The following MPZL3 variants were observed in gnomAD, a reference collection of about 807,000 sequenced individuals.
The protein encoded by MPZL3 is myelin protein zero like 3.
In MPZL3, 23 loss-of-function variants were observed where a neutral mutation model predicts 24.8. The observed-to-expected ratio is 0.93, with a 90% confidence interval of 0.67 to 1.31. MPZL3 has a LOEUF of 1.31. Ranked by LOEUF, MPZL3 falls within the 40% of genes most tolerant of loss-of-function variation. The probability of loss-of-function intolerance (pLI) is 0.00; values close to 1 mark genes in which losing one functional copy is unlikely to be tolerated. For missense variants in MPZL3, 277 were observed against 294.9 expected (o/e 0.94, Z 0.44); for synonymous variants, 99 against 106.5 (o/e 0.93, Z 0.44).
intron 3 of MPZL3, 38 bp downstream of exon 3, chr11:118,237,012 A>G: frequency 6.4e-7 from 1 of 1,564,348 alleles, no homozygotes; most frequent in Non-Finnish European, 8.8e-7. Context: ...CAGCAGTCAC[A>G]GAGCACTGCA....
intron 3 of MPZL3, among the ~76,000 whole-genome samples, chr11:118,236,740 A>AT (rs1949430723): frequency 1.3e-5 from 2 of 152,222 alleles, no homozygotes; most frequent in African/African-American, 4.8e-5. Context: ...TCACAGAGAT[A>AT]ACAACCCTAT....
Position 118,252,305 on chromosome 11 carries a change from C to G in MPZL3, c.-11G>C, listed in dbSNP as rs756551713. On this transcript the variant is annotated 5_prime_UTR_variant, in exon 1 of 6. Coordinates refer to ENST00000278949, the MANE Select transcript of MPZL3 (RefSeq NM_198275.3). ...TCCTCTCTGCTGCATCCCGGCAGCT[C>G]TTCAGATGCTTGCACACCTTGTTTA... 2 of 1,613,498 alleles carry G rather than the reference C, an allele frequency of 1.2e-6. No individual in the cohort carries two copies. Among genetic ancestry groups the G allele is most frequent in the South Asian group, 2.2e-5 (2 of 91,064 alleles).
At chr11:118,249,508 T>C (rs1332998011) in intron 1 of MPZL3, among the ~76,000 whole-genome samples, 1 of 152,094 alleles carries the variant, frequency 6.6e-6, no homozygotes, top group East Asian at 1.9e-4. Context: ...TCTTGCCAGG[T>C]AAAAACAGCC....
intron 4 of MPZL3, among the ~76,000 whole-genome samples, chr11:118,234,727 A>G (rs1949399883): frequency 6.6e-6 from 1 of 151,060 alleles, no homozygotes; most frequent in African/African-American, 2.4e-5. Flanking sequence ...AAATAAATGC[A>G]CACACACACA....
chr11:118,249,225 T>C (rs1565497148), intron 1 of MPZL3, among the ~76,000 whole-genome samples: 2 of 152,174 alleles, frequency 1.3e-5, no homozygotes, highest in Non-Finnish European at 1.5e-5. Flanking sequence ...AAGAAGGCTT[T>C]TGGAATGCAA....
intron 1 of MPZL3, among the ~76,000 whole-genome samples, chr11:118,242,351 C>A (rs1187244892): frequency 6.6e-6 from 1 of 152,140 alleles, no homozygotes; most frequent in African/African-American, 2.4e-5. Context: ...GTTCATTTCA[C>A]AACATGAAAC....
rs556299982 is a variant in MPZL3, at chr11:118,249,983, T to C, written c.73+2239A>G. Among the ~76,000 whole-genome samples, 6 of 136,478 alleles carry C rather than the reference T, an allele frequency of 4.4e-5. 1 individual carries two copies. Among genetic ancestry groups the C allele is most frequent in the South Asian group, 5.3e-4 (2 of 3,794 alleles). 89.5% of individuals were successfully genotyped at this position (136,478 alleles called of 152,430 possible). On this transcript the variant is annotated intron_variant, in intron 1 of 5. Coordinates refer to ENST00000278949, the MANE Select transcript of MPZL3 (RefSeq NM_198275.3). ...CAAAAGCACATATTGTGTAATTCCA[T>C]TTACTTTATTTTTATTTATTTATTT...
rs71301655 is a variant in MPZL3 at position 118,246,585 on chromosome 11, CT to C, written c.73+5636del. On this transcript the variant is annotated intron_variant, in intron 1 of 5. Transcript: ENST00000278949. The stretch of plus-strand genomic sequence containing the variant: ...CACTTTTCTTTTCTTTTTTTCTTTT[CT>C]TTTTTTTTTTTTTTTTGAGACAGGG... Among the ~76,000 whole-genome samples, 409 of 123,238 alleles carry C rather than the reference CT, an allele frequency of 3.3e-3. 4 individuals are homozygous for C. Among genetic ancestry groups the C allele is most frequent in the African/African-American group, 9.5e-3 (291 of 30,760 alleles). 80.8% of individuals were successfully genotyped at this position (123,238 alleles called of 152,430 possible).
At chr11:118,230,389 G>T (rs1022504876) in intron 5 of MPZL3, among the ~76,000 whole-genome samples, 1 of 152,132 alleles carries the variant, frequency 6.6e-6, no homozygotes, top group Non-Finnish European at 1.5e-5. Context: ...TTCCTCATCT[G>T]TAAAATGGGG....
chr11:118,248,872 T>C (rs955169357), intron 1 of MPZL3, among the ~76,000 whole-genome samples: 1 of 152,124 alleles, frequency 6.6e-6, no homozygotes, highest in Admixed American at 6.5e-5. Flanking sequence ...TACTGGTAGA[T>C]AAAGCAAACT....
rs116875611 is a variant in MPZL3 at position 118,234,835 on chromosome 11, C to T, written c.617+589G>A. ...TAGATAATGGAGAAAAGGGGTTTTA[C>T]GTAGATTTTTGTTTTGATTTCCTTT... is the stretch of plus-strand genomic sequence containing the variant. On this transcript the variant is annotated intron_variant, in intron 4 of 5. Coordinates refer to ENST00000278949, the MANE Select transcript of MPZL3 (RefSeq NM_198275.3). Among the ~76,000 whole-genome samples the T allele has an allele frequency of 6.1e-3, 925 of 152,104 alleles. 4 individuals are homozygous for T. Among genetic ancestry groups the T allele is most frequent in the Non-Finnish European group, 9.0e-3 (612 of 67,976 alleles).
intron 1 of MPZL3, among the ~76,000 whole-genome samples, chr11:118,248,070 CTTTTTTTTTTT>C (rs60335848): frequency 1.0e-5 from 1 of 99,016 alleles, no homozygotes; most frequent in African/African-American, 3.3e-5. Context: ...ACAGTTTCCT[CTTTTTTTTTTT>C]TTTTTTTTTT....
At chr11:118,237,512 C>T (rs1949441988) in intron 2 of MPZL3, among the ~76,000 whole-genome samples, 1 of 151,962 alleles carries the variant, frequency 6.6e-6, no homozygotes, top group African/African-American at 2.4e-5. Flanking sequence ...AATAATAGTT[C>T]TCAACCAGAG....
Position 118,226,923 on chromosome 11 carries a change from TC to T in MPZL3, c.*2970del, listed in dbSNP as rs1196741759. On this transcript the variant is annotated 3_prime_UTR_variant, in exon 6 of 6. Transcript: ENST00000278949. ...CAATTAAATAATAGTCTTGGTCCAC[TC>T]CTTGTGGGTCTTCTTACAGTTTCCC... The T allele has an allele frequency of 1.4e-4, 22 of 152,252 alleles. No homozygotes were observed. The highest frequency in any genetic ancestry group is 2.9e-5 in the Non-Finnish European group (2 of 68,042). The allele number at this position is 152,252 out of a possible 1,614,324, so 9.4% of individuals were successfully genotyped here.
At chr11:118,244,430 G>C (rs1949533767) in intron 1 of MPZL3, among the ~76,000 whole-genome samples, 1 of 152,172 alleles carries the variant, frequency 6.6e-6, no homozygotes, top group African/African-American at 2.4e-5. Context: ...TGGGGGAGAG[G>C]AGAGTGGTTA....
intron 1 of MPZL3, among the ~76,000 whole-genome samples, chr11:118,242,745 C>A (rs1453490820): frequency 6.6e-6 from 1 of 152,210 alleles, no homozygotes; most frequent in Non-Finnish European, 1.5e-5. Context: ...GGTGCCTTCC[C>A]AAATTCCCTG....
At chr11:118,229,966 G>A in intron 5 of MPZL3, 46 bp from the exon 6 acceptor site, 16 of 1,586,378 alleles carry the variant, frequency 1.0e-5, no homozygotes, top group Non-Finnish European at 1.4e-5. Flanking sequence ...TCCAGAGTTG[G>A]AATTTAGGCA....
chr11:118,236,122 G>T (rs1348442405), intron 3 of MPZL3, among the ~76,000 whole-genome samples: 2 of 151,982 alleles, frequency 1.3e-5, no homozygotes, highest in Non-Finnish European at 2.9e-5. Flanking sequence ...ATTTACAATG[G>T]AATTACTAGA....
Position 118,235,508 on chromosome 11 carries a change from A to G in MPZL3, c.533T>C (p.Leu178Pro). Residue 178 changes from leucine (L) to proline (P), a missense_variant, in exon 4 of 6, where the codon CTG becomes CCG. Physicochemically the swap from Leu to Pro is moderately conservative, Grantham distance 98. Coordinates refer to ENST00000278949, the MANE Select transcript of MPZL3 (RefSeq NM_198275.3). ...AGCAGCCTTCCTCCCCATTCTCACC[A>G]GCAGCAGAGCAACCACCACGGCTGA... ...VPSAVVVALL[L>P]VRMGRKAAGL... 3.7e-6 allele frequency: 6 copies of G among 1,614,026 alleles called. No homozygotes were observed. Among genetic ancestry groups the G allele is most frequent in the Non-Finnish European group, 5.1e-6 (6 of 1,179,964 alleles).
Sources: gnomAD v4.1 joint callset for allele counts (sites outside exome capture counted in the v4.1 genomes callset) on GRCh38, gnomAD v4.1.1 for gene constraint, MANE v1.5 for transcripts, NCBI Gene and HGNC (gene_info 2026-07-23, HGNC 2026-07-21) for gene names.